The following VWDE variants were observed in gnomAD, a reference collection of about 807,000 sequenced individuals.
The protein encoded by VWDE is von Willebrand factor D and EGF domains.
In VWDE, 207 loss-of-function variants were observed where a neutral mutation model predicts 178.4. The ratio of observed to expected loss-of-function variants is 1.16; its 90% CI spans 1.04 to 1.30. The LOEUF is 1.30. VWDE is among the 50% of genes most tolerant of loss of function. The pLI, the probability that VWDE is intolerant of heterozygous loss-of-function variation, is 0.00. For synonymous variants in VWDE, 738 were observed against 651.4 expected, an observed-to-expected ratio of 1.13 and a Z score of -2.02; for missense variants, 2,287 against 1,901.3, an observed-to-expected ratio of 1.20 and a Z score of -3.77.
At chr7:12,339,841 A>G (rs1422432739) in intron 24 of VWDE, among the ~76,000 whole-genome samples, 1 of 152,168 alleles carries the variant, frequency 6.6e-6, no homozygotes, top group African/African-American at 2.4e-5. Flanking sequence ...TACTAAGCCC[A>G]TGAAAGAGAA....
chr7:12,380,747 G>T lies in VWDE; in HGVS notation c.542-14C>A. On this transcript the variant is annotated splice_polypyrimidine_tract_variant and intron_variant, in intron 4 of 28. Transcript: ENST00000275358. ...CAGCCAGCTGACCTGGGGAGAAAAT[G>T]CATAATTTGTAACTGGGAATCTTAG... 6.5e-7 allele frequency: 1 copy of T among 1,550,288 alleles called. No individual in the cohort carries two copies. The highest frequency in any genetic ancestry group is 8.7e-7 in the Non-Finnish European group (1 of 1,146,238).
chr7:12,375,190 G>A lies in VWDE; in HGVS notation c.1062C>T (p.Ser354=), dbSNP rs2128556945. ...EHLGLNLALS[S]CHVDLLQTSS... is the part of the protein sequence containing the mutation. ...ATGTCTGGAGAAGGTCCACATGACA[G>A]GAAGACAGTGCCAAATTTAAGCCTA... The change falls in exon 8 of 29, where the codon TCC becomes TCT. Residue 354 remains serine, a synonymous_variant. Coordinates refer to ENST00000275358, the MANE Select transcript of VWDE (RefSeq NM_001135924.3). The A allele has an allele frequency of 1.3e-6, 2 of 1,551,074 alleles. No individual in the cohort carries two copies. Among genetic ancestry groups the A allele is most frequent in the Non-Finnish European group, 1.7e-6 (2 of 1,146,530 alleles).
Position 12,374,738 on chromosome 7 carries a change from C to T in VWDE, c.1267G>A (p.Ala423Thr), listed in dbSNP as rs1233233602. 13 of 1,538,930 alleles carry T rather than the reference C, an allele frequency of 8.4e-6. No homozygotes were observed. Among genetic ancestry groups the T allele is most frequent in the Non-Finnish European group, 1.1e-5 (13 of 1,142,022 alleles). ...IQIKVKDVPT[A>T]YCYTFTDPHI... ...GGGTCAGTAAATGTATAGCAGTAAG[C>T]AGTTGGGACATCCTTTACTTTGATC... Residue 423 changes from alanine to threonine, a missense_variant, in exon 9 of 29, where the codon GCT becomes ACT. Physicochemically the swap from Ala to Thr is moderately conservative, Grantham distance 58. Coordinates refer to ENST00000275358, the MANE Select transcript of VWDE (RefSeq NM_001135924.3).
rs544389776 is a variant in VWDE at position 12,360,542 on chromosome 7, T to C, written c.3159+605A>G. 1.5e-3 allele frequency among the ~76,000 whole-genome samples: 228 copies of C among 152,262 alleles called. 1 individual carries two copies. Among genetic ancestry groups the C allele is most frequent in the African/African-American group, 5.4e-3 (224 of 41,554 alleles). ...TTTAAAATTTTCATGTACATAAATA[T>C]TATTTGTATGCACCTCAGCTTTGAG... On this transcript the variant is annotated intron_variant, in intron 15 of 28. Transcript: ENST00000275358.
At chr7:12,384,482 T>C (rs973679821) in intron 3 of VWDE, among the ~76,000 whole-genome samples, 2 of 152,068 alleles carry the variant, frequency 1.3e-5, no homozygotes, top group Non-Finnish European at 2.9e-5. Flanking sequence ...GAGCGGACCG[T>C]AATGTAAACT....
At chr7:12,348,055 C>G (rs1781710748) in intron 19 of VWDE, among the ~76,000 whole-genome samples, 1 of 152,150 alleles carries the variant, frequency 6.6e-6, no homozygotes, top group African/African-American at 2.4e-5. Flanking sequence ...CTTCCTTACA[C>G]CTTATACAAA....
intron 13 of VWDE, among the ~76,000 whole-genome samples, chr7:12,362,750 T>C (rs1484198378): frequency 6.6e-6 from 1 of 152,104 alleles, no homozygotes; most frequent in East Asian, 1.9e-4. Flanking sequence ...TTTTGAAGAT[T>C]TGATGATTGA....
intron 18 of VWDE, among the ~76,000 whole-genome samples, chr7:12,352,190 T>C (rs1239259226): frequency 6.6e-6 from 1 of 152,200 alleles, no homozygotes; most frequent in Non-Finnish European, 1.5e-5. Flanking sequence ...CCCCTCAATC[T>C]GTTATAGCAG....
intron 23 of VWDE, among the ~76,000 whole-genome samples, chr7:12,340,629 A>G (rs1781277109): frequency 6.6e-6 from 1 of 152,218 alleles, no homozygotes; most frequent in African/African-American, 2.4e-5. Flanking sequence ...TTTACAAATA[A>G]CACTAAGCTT....
In VWDE at chr7:12,400,500, A is replaced by C. The variant is rs571049985; in HGVS notation, c.58+3159T>G. 5.3e-5 allele frequency among the ~76,000 whole-genome samples: 8 copies of C among 152,272 alleles called. No individual in the cohort carries two copies. The South Asian group carries it at 1.7e-3, about 32-fold the overall frequency. On this transcript the variant is annotated intron_variant, in intron 1 of 28. Coordinates refer to ENST00000275358, the MANE Select transcript of VWDE (RefSeq NM_001135924.3). ...AAGACAGGAGCTGCAAAACCAACTC[A>C]AGAAGAAAAATACAATCCAAATAGA... is the stretch of plus-strand genomic sequence containing the variant.
At chr7:12,350,149 A>T (rs1781848898) in intron 19 of VWDE, among the ~76,000 whole-genome samples, 1 of 151,724 alleles carries the variant, frequency 6.6e-6, no homozygotes, top group Admixed American at 6.6e-5. Context: ...GCATAATCAT[A>T]TAGTCAATAT....
Position 12,336,224 on chromosome 7 carries a change from T to C in VWDE, c.4571A>G (p.Gln1524Arg), listed in dbSNP as rs755195375. ...GKRCNTPICL[Q>R]KCKNGGECIA... ...GCATTCACCACCGTTTTTACATTTCTGCAAGCAGATAGCTGCCAATCGAAA... is the reference window on the plus strand; with the variant it reads ...GCATTCACCACCGTTTTTACATTTCCGCAAGCAGATAGCTGCCAATCGAAA... The change falls in exon 27 of 29, where the codon CAG becomes CGG. Residue 1524 changes from glutamine to arginine, a missense_variant. Coordinates refer to ENST00000275358, the MANE Select transcript of VWDE (RefSeq NM_001135924.3). The C allele has an allele frequency of 3.7e-5, 58 of 1,551,140 alleles. No individual in the cohort carries two copies. In the South Asian group the frequency reaches 4.5e-4, roughly 12 times the overall value.
chr7:12,351,817 C>T, intron 18 of VWDE, 104 bp from the exon 19 acceptor site: 1 of 974,014 alleles, frequency 1.0e-6, no homozygotes, highest in Non-Finnish European at 1.4e-6. Context: ...TTAAACTCTG[C>T]AAATTAGACT....
intron 23 of VWDE, among the ~76,000 whole-genome samples, 168 bp downstream of exon 23, chr7:12,341,891 A>G (rs939345398): frequency 2.0e-5 from 3 of 152,226 alleles, no homozygotes; most frequent in Non-Finnish European, 2.9e-5. Context: ...CATAAAAACA[A>G]AGGGAATGAA....
intron 13 of VWDE, among the ~76,000 whole-genome samples, chr7:12,365,254 T>A (rs1214672932): frequency 6.6e-6 from 1 of 152,070 alleles, no homozygotes; most frequent in East Asian, 1.9e-4. Flanking sequence ...GGTCTGTAAA[T>A]TTGTTAATAG....
rs367877619 is a variant in VWDE at position 12,369,866 on chromosome 7, G to C, written c.2440C>G (p.Leu814Val). 10 of 1,551,360 alleles carry C rather than the reference G, an allele frequency of 6.4e-6. No individual in the cohort carries two copies. In the African/African-American group the frequency reaches 8.2e-5, roughly 13 times the overall value. Residue 814 changes from leucine (L) to valine (V), a missense_variant, in exon 12 of 29, where the codon CTA becomes GTA. Physicochemically the swap from Leu to Val is conservative, Grantham distance 32 (BLOSUM62 1). Transcript: ENST00000275358. ...AGCCTTCCTATGCTGGAGTTGGCTA[G>C]AGTCTCCTGACAGAGGGTCAAGGTG... ...YSTLTLCQETLANSSIGRLCL... is the reference protein window; with the variant it reads ...YSTLTLCQETVANSSIGRLCL...
chr7:12,372,851 G>A, intron 10 of VWDE, 126 bp downstream of exon 10: 1 of 881,498 alleles, frequency 1.1e-6, no homozygotes, highest in Non-Finnish European at 1.7e-6. Flanking sequence ...TAAGATGATG[G>A]TTAATATAAA....
chr7:12,349,995 A>C (rs1369596362), intron 19 of VWDE, among the ~76,000 whole-genome samples: 4 of 152,084 alleles, frequency 2.6e-5, no homozygotes, highest in African/African-American at 9.7e-5. Flanking sequence ...AAATAGAAAA[A>C]CAATCTAAAA....
intron 28 of VWDE, among the ~76,000 whole-genome samples, chr7:12,332,572 T>C (rs1356974656): frequency 6.6e-6 from 1 of 152,168 alleles, no homozygotes; most frequent in Non-Finnish European, 1.5e-5. Flanking sequence ...AATATATACT[T>C]AGGCTGCCTT....
Sources: allele counts gnomAD v4.1 joint callset (sites outside exome capture counted in the v4.1 genomes callset), GRCh38; gene constraint gnomAD v4.1.1; transcripts MANE v1.5; gene names NCBI Gene and HGNC (gene_info 2026-07-23, HGNC 2026-07-21).